Variants in AKT3 observed in about 807,000 individuals in gnomAD.
AKT3 encodes the protein AKT serine/threonine kinase 3, also known as RAC-gamma serine/threonine-protein kinase.
In AKT3, 15 loss-of-function variants were observed where a neutral mutation model predicts 65.3. The observed-to-expected ratio is 0.23, with a 90% confidence interval of 0.15 to 0.35. The LOEUF is 0.35. Ranked by LOEUF, AKT3 falls within the 10% of genes least tolerant of loss-of-function variation. The pLI, the probability that AKT3 is intolerant of heterozygous loss-of-function variation, is 1.00. For missense variants in AKT3, 243 were observed against 576.5 expected (o/e 0.42, Z 5.92); for synonymous variants, 206 against 183.8 (o/e 1.12, Z -0.98).
chr1:243,540,914 C>T (rs1672268374), intron 12 of AKT3, among the ~76,000 whole-genome samples: 1 of 152,146 alleles, frequency 6.6e-6, no homozygotes, highest in South Asian at 2.1e-4. Flanking sequence ...GAGAGCACTT[C>T]AAAAGTACTG....
At position 243,692,367 on chromosome 1, in the gene AKT3, C is replaced by T. The variant is rs554305047; in HGVS notation, c.172+3224G>A. Among the ~76,000 whole-genome samples, 74 of 152,214 alleles carry T rather than the reference C, an allele frequency of 4.9e-4. No individual in the cohort carries two copies. The South Asian group carries it at 0.015, about 31-fold the overall frequency. On this transcript the variant is annotated intron_variant, in intron 3 of 13. Transcript: ENST00000673466. ...TGACAAACAAGCCTTACTAAGTTCC[C>T]TTCAGTTTATTACCATTATAAGCCC...
chr1:243,513,465 G>A (rs1306407626), intron 12 of AKT3, among the ~76,000 whole-genome samples: 1 of 152,092 alleles, frequency 6.6e-6, no homozygotes. Flanking sequence ...TACACAATTG[G>A]CTTGAGATCA....
intron 8 of AKT3, among the ~76,000 whole-genome samples, chr1:243,602,997 T>C (rs1677122456): frequency 6.6e-6 from 1 of 152,182 alleles, no homozygotes; most frequent in African/African-American, 2.4e-5. Flanking sequence ...AGAGACTTCC[T>C]AAACCAAAGA....
At chr1:243,588,531 T>A (rs773359506) in intron 8 of AKT3, among the ~76,000 whole-genome samples, 8 of 152,110 alleles carry the variant, frequency 5.3e-5, no homozygotes, top group Non-Finnish European at 8.8e-5. Flanking sequence ...GTAACTCACG[T>A]AAAACTCAAA....
At chr1:243,743,203 T>C (rs896980732) in intron 2 of AKT3, among the ~76,000 whole-genome samples, 1 of 152,200 alleles carries the variant, frequency 6.6e-6, no homozygotes, top group Non-Finnish European at 1.5e-5. Context: ...AATGATAAGG[T>C]TGTAATTGGC....
chr1:243,765,253 T>C (rs1689745015), intron 2 of AKT3, among the ~76,000 whole-genome samples: 1 of 152,102 alleles, frequency 6.6e-6, no homozygotes, highest in South Asian at 2.1e-4. Context: ...AAAGCCTTTA[T>C]AAGTTACCAG....
At chr1:243,544,698 G>GT (rs149837431) in intron 12 of AKT3, among the ~76,000 whole-genome samples, 25,751 of 93,886 alleles carry the variant, frequency 0.27, 2,367 homozygotes, top group South Asian at 0.5. Context: ...GTGGTTTTTT[G>GT]TTTTTTGTTT....
At chr1:243,699,743 T>C (rs1217700486) in intron 2 of AKT3, among the ~76,000 whole-genome samples, 2 of 152,092 alleles carry the variant, frequency 1.3e-5, no homozygotes, top group Non-Finnish European at 2.9e-5. Flanking sequence ...TTACTTTATA[T>C]GGCAACACAT....
At chr1:243,496,160 A>G (rs1667801055), downstream of AKT3, among the ~76,000 whole-genome samples, 1 of 152,266 alleles carries the variant, frequency 6.6e-6, no homozygotes, top group Non-Finnish European at 1.5e-5. Flanking sequence ...AGATAGAAAA[A>G]TAAGGCCCAG....
At chr1:243,689,935 ATCT>A (rs925398777) in intron 3 of AKT3, among the ~76,000 whole-genome samples, 81 of 152,244 alleles carry the variant, frequency 5.3e-4, no homozygotes, top group African/African-American at 1.7e-3. Flanking sequence ...ACAGAGTGAG[ATCT>A]TGTCTTAAAA....
At chr1:243,628,025 C>T (rs912850671) in intron 6 of AKT3, among the ~76,000 whole-genome samples, 5 of 152,188 alleles carry the variant, frequency 3.3e-5, no homozygotes, top group African/African-American at 9.7e-5. Context: ...TGGCAAAAAG[C>T]CCATGAATGC....
intron 2 of AKT3, among the ~76,000 whole-genome samples, chr1:243,721,275 T>C (rs1464775451): frequency 6.6e-6 from 1 of 152,148 alleles, no homozygotes; most frequent in African/African-American, 2.4e-5. Context: ...AGGGGTCCTG[T>C]CCCATACCTG....
intron 13 of AKT3, chr1:243,489,154 C>G (rs1259606600): frequency 6.2e-7 from 1 of 1,611,138 alleles, no homozygotes; most frequent in Non-Finnish European, 8.5e-7. Context: ...CTGTGCAGAA[C>G]GCGGCGCAGG....
At chr1:243,614,943 A>T (rs1157730854) in intron 7 of AKT3, among the ~76,000 whole-genome samples, 153 bp downstream of exon 7, 1 of 152,202 alleles carries the variant, frequency 6.6e-6, no homozygotes, top group Non-Finnish European at 1.5e-5. Flanking sequence ...AAATCCATAC[A>T]TTCTAATAAG....
chr1:243,637,141 G>C (rs1680033358), intron 6 of AKT3, among the ~76,000 whole-genome samples: 1 of 151,924 alleles, frequency 6.6e-6, no homozygotes, highest in African/African-American at 2.4e-5. Flanking sequence ...TATGGGGGTG[G>C]GAAGTAAGTC....
At chr1:243,843,024 GAC>G (rs1163979393) in intron 2 of AKT3, 99 bp downstream of exon 2, 67 of 1,218,250 alleles carry the variant, frequency 5.5e-5, no homozygotes, top group Non-Finnish European at 7.4e-5. Context: ...GACATAGCAT[GAC>G]ACAGTTTAAC....
At chr1:243,622,584 AAAT>A (rs759273893) in intron 6 of AKT3, among the ~76,000 whole-genome samples, 1 of 152,230 alleles carries the variant, frequency 6.6e-6, no homozygotes, top group Non-Finnish European at 1.5e-5. Context: ...ATATTTATTG[AAAT>A]AATGAGTGAA....
intron 9 of AKT3, among the ~76,000 whole-genome samples, chr1:243,569,895 C>G (rs991695023): frequency 6.6e-6 from 1 of 152,172 alleles, no homozygotes; most frequent in African/African-American, 2.4e-5. Context: ...AAGATTTTAA[C>G]ATATAATTTG....
chr1:243,789,500 T>C lies in AKT3; in HGVS notation c.46+53625A>G, dbSNP rs148372031. Among the ~76,000 whole-genome samples, 781 of 152,368 alleles carry C rather than the reference T, an allele frequency of 5.1e-3. 9 individuals carry two copies. The highest frequency in any genetic ancestry group is 0.018 in the African/African-American group (741 of 41,592). ...CTTCAGGCTCCACTGCTAATTCTAG[T>C]TCTCTTGCTATTTCTACCACATCTG... On this transcript the variant is annotated intron_variant, in intron 2 of 13. Coordinates refer to ENST00000673466, the MANE Select transcript of AKT3 (RefSeq NM_005465.7).
Sources: gnomAD v4.1 joint callset for allele counts (sites outside exome capture counted in the v4.1 genomes callset) on GRCh38, gnomAD v4.1.1 for gene constraint, MANE v1.5 for transcripts, NCBI Gene and HGNC (gene_info 2026-07-23, HGNC 2026-07-21) for gene names.